PARD3B: variants seen among roughly 807,000 people sequenced by gnomAD.
The protein encoded by PARD3B is partitioning defective 3 homolog B.
PARD3B carries 103 observed loss-of-function variants against 130.2 expected under a neutral mutation model. The observed-to-expected ratio is 0.79, with a 90% CI of 0.67 to 0.93. PARD3B has a LOEUF of 0.93. Among genes scored for constraint, PARD3B ranks in the 40% least tolerant of loss-of-function variants. The pLI, the probability that PARD3B is intolerant of heterozygous loss-of-function variation, is 0.00. For missense variants in PARD3B, 1,609 were observed against 1,499.2 expected (o/e 1.07, Z -1.21); for synonymous variants, 583 against 553.2 (o/e 1.05, Z -0.76).
chr2:205,575,330 A>G lies in PARD3B; in HGVS notation c.3260+21927A>G, dbSNP rs2053717428. Among the ~76,000 whole-genome samples the G allele has an allele frequency of 6.6e-6, 1 of 151,526 alleles. No homozygotes were observed. The highest frequency in any genetic ancestry group is 2.4e-5 in the African/African-American group (1 of 41,218). On this transcript the variant is annotated intron_variant, in intron 22 of 22. Coordinates refer to ENST00000406610, the MANE Select transcript of PARD3B (RefSeq NM_001302769.2). This position sits in a 1 kb window ranked among gnomAD's most constrained non-coding sequence, Gnocchi z 4.6. ...ACTTCCCTCATTACCAACATTCCCA[A>G]CTGCAGTGGTAAAACTGTTACATCT...
intron 3 of PARD3B, among the ~76,000 whole-genome samples, chr2:204,998,358 A>ATATATATGTG (rs1400529301): frequency 8.6e-5 from 6 of 69,868 alleles, no homozygotes; most frequent in African/African-American, 3.4e-4. Context: ...ATATATATAT[A>ATATATATGTG]TGTGTGTGTG....
At chr2:204,599,963 AT>A (rs2125104157) in intron 1 of PARD3B, among the ~76,000 whole-genome samples, 1 of 151,234 alleles carries the variant, frequency 6.6e-6, no homozygotes, top group Non-Finnish European at 1.5e-5. Context: ...TTTTTCACAT[AT>A]TTTTTGGCCA....
intron 1 of PARD3B, among the ~76,000 whole-genome samples, chr2:204,569,469 G>T (rs992803010): frequency 1.3e-5 from 2 of 152,288 alleles, no homozygotes; most frequent in African/African-American, 4.8e-5. Flanking sequence ...CATCAAATAG[G>T]TGACAGATAT....
intron 18 of PARD3B, among the ~76,000 whole-genome samples, chr2:205,306,204 A>C (rs2042178038): frequency 6.6e-6 from 1 of 152,232 alleles, no homozygotes; most frequent in African/African-American, 2.4e-5. Context: ...TCTGGGGAGC[A>C]CTAGAAAGGA....
At chr2:204,684,750 T>C (rs1574699493) in intron 1 of PARD3B, among the ~76,000 whole-genome samples, 1 of 152,340 alleles carries the variant, frequency 6.6e-6, no homozygotes, top group Non-Finnish European at 1.5e-5. Context: ...TTGAGATCTC[T>C]ATCTGTGCCA....
intron 20 of PARD3B, among the ~76,000 whole-genome samples, chr2:205,476,764 A>G (rs2049036801): frequency 6.6e-6 from 1 of 152,230 alleles, no homozygotes. Flanking sequence ...GCAATCATTT[A>G]TCACTTATAA....
At chr2:205,335,212 T>C (rs1039850412) in intron 18 of PARD3B, among the ~76,000 whole-genome samples, 7 of 152,194 alleles carry the variant, frequency 4.6e-5, no homozygotes, top group Non-Finnish European at 5.9e-5. Flanking sequence ...TTAGTAGCCA[T>C]GCCACTAAAT....
intron 15 of PARD3B, among the ~76,000 whole-genome samples, chr2:205,198,374 C>T (rs1212824216): frequency 6.6e-6 from 1 of 152,178 alleles, no homozygotes; most frequent in Admixed American, 6.5e-5. Flanking sequence ...TGTTAACATT[C>T]CATGTCTCAT....
intron 2 of PARD3B, among the ~76,000 whole-genome samples, chr2:204,760,044 G>A (rs963590191): frequency 1.3e-5 from 2 of 151,948 alleles, no homozygotes; most frequent in South Asian, 4.1e-4. Flanking sequence ...AATACTGCAT[G>A]GTATTACTCT....
chr2:205,126,457 C>A (rs2031407024), intron 10 of PARD3B, among the ~76,000 whole-genome samples: 1 of 151,948 alleles, frequency 6.6e-6, no homozygotes, highest in South Asian at 2.1e-4. Context: ...TATAGAAGTA[C>A]TTAAAATGGT....
At position 205,064,056 on chromosome 2, in the gene PARD3B, G is replaced by A. The variant is rs139546268; in HGVS notation, c.504+16366G>A. Among the ~76,000 whole-genome samples, 944 of 152,248 alleles carry A rather than the reference G, an allele frequency of 6.2e-3. 11 individuals are homozygous for A. The highest frequency in any genetic ancestry group is 0.022 in the African/African-American group (906 of 41,564). On this transcript the variant is annotated intron_variant, in intron 4 of 22. Coordinates refer to ENST00000406610, the MANE Select transcript of PARD3B (RefSeq NM_001302769.2). Reference sequence around the variant, plus strand: ...GAAAAGATACTGGAGGCAACGCATTGGGAACAGCCCTGTGGAACTTATAAT... The same window carrying A: ...GAAAAGATACTGGAGGCAACGCATTAGGAACAGCCCTGTGGAACTTATAAT...
intron 15 of PARD3B, among the ~76,000 whole-genome samples, chr2:205,199,274 A>T (rs1290977701): frequency 6.6e-6 from 1 of 152,170 alleles, no homozygotes; most frequent in African/African-American, 2.4e-5. Context: ...AGAGTTAAGG[A>T]AAAACTACCA....
At chr2:205,492,049 C>T (rs939611102) in intron 20 of PARD3B, among the ~76,000 whole-genome samples, 1 of 152,168 alleles carries the variant, frequency 6.6e-6, no homozygotes, top group East Asian at 1.9e-4. Context: ...AGGATCCTGA[C>T]ATAAGGATGA....
rs562149133 is a variant in PARD3B, at chr2:205,590,294, G to T, written c.3261-25162G>T. ...CTTGGCTTCTTTCTCCCCATCTCTCGACTGTTTTCTTCATTGTTGGCTTTG... is the reference window on the plus strand; with the variant it reads ...CTTGGCTTCTTTCTCCCCATCTCTCTACTGTTTTCTTCATTGTTGGCTTTG... On this transcript the variant is annotated intron_variant, in intron 22 of 22. Transcript: ENST00000406610. This position sits in a 1 kb window ranked among gnomAD's most constrained non-coding sequence, Gnocchi z 4.1. Among the ~76,000 whole-genome samples the T allele has an allele frequency of 6.6e-6, 1 of 152,056 alleles. No homozygotes were observed. The highest frequency in any genetic ancestry group is 2.4e-5 in the African/African-American group (1 of 41,408).
chr2:205,168,596 A>G lies in PARD3B; in HGVS notation c.1621-3615A>G, dbSNP rs368299388. On this transcript the variant is annotated intron_variant, in intron 11 of 22. Transcript: ENST00000406610. ...ATGAGCTCCTCATTGAATCAACTTC[A>G]TTTTAGGTCAAGACTGGACATAGAC... Among the ~76,000 whole-genome samples, 5 of 151,832 alleles carry G rather than the reference A, an allele frequency of 3.3e-5. No homozygotes were observed. In the East Asian group the frequency reaches 5.8e-4, roughly 18 times the overall value.
At chr2:205,308,620 C>CAAAA (rs1491338276) in intron 18 of PARD3B, among the ~76,000 whole-genome samples, 1 of 130,314 alleles carries the variant, frequency 7.7e-6, no homozygotes, top group Non-Finnish European at 1.6e-5. Flanking sequence ...AAAAAAAAAA[C>CAAAA]CAAACAACAA....
chr2:205,193,344 C>T, intron 15 of PARD3B, 24 bp downstream of exon 15: 1 of 1,496,598 alleles, frequency 6.7e-7, no homozygotes, highest in Non-Finnish European at 9.3e-7. Context: ...AGGTGACATC[C>T]AGGTCAGCTC....
Position 204,822,084 on chromosome 2 carries a change from C to T in PARD3B, c.222+135802C>T, listed in dbSNP as rs188537894. ...TTGAAACCTTCTGGAAAGGATTCAC[C>T]ATTCTAGATGCCGTTAAGAACATCC... On this transcript the variant is annotated intron_variant, in intron 2 of 22. Transcript: ENST00000406610. Among the ~76,000 whole-genome samples, 46 of 152,290 alleles carry T rather than the reference C, an allele frequency of 3.0e-4. No individual in the cohort carries two copies. The East Asian group carries it at 7.1e-3, about 24-fold the overall frequency.
At chr2:204,734,213 A>C (rs2039644684) in intron 2 of PARD3B, among the ~76,000 whole-genome samples, 1 of 152,220 alleles carries the variant, frequency 6.6e-6, no homozygotes, top group African/African-American at 2.4e-5. Context: ...AATTACAGTG[A>C]TAACATTATA....
Sources: allele counts gnomAD v4.1 joint callset (sites outside exome capture counted in the v4.1 genomes callset), GRCh38; gene constraint gnomAD v4.1.1; non-coding constraint Gnocchi (gnomAD v3.1); transcripts MANE v1.5; gene names NCBI Gene and HGNC (gene_info 2026-07-23, HGNC 2026-07-21).